CUX1: variants seen among roughly 807,000 people sequenced by gnomAD.
The protein encoded by CUX1 is protein CASP.
CUX1 carries 31 observed loss-of-function variants against 158.8 expected under a neutral mutation model. The observed-to-expected ratio is 0.20, with a 90% CI of 0.15 to 0.26. CUX1 has a LOEUF of 0.26. CUX1 is among the 10% of genes least tolerant of loss of function. The probability of loss-of-function intolerance (pLI) is 1.00; values close to 1 mark genes in which losing one functional copy is unlikely to be tolerated. For synonymous variants in CUX1, 879 were observed against 862.1 expected, an observed-to-expected ratio of 1.02 and a Z score of -0.34; for missense variants, 1,589 against 2,014.6, an observed-to-expected ratio of 0.79 and a Z score of 4.04.
intron 4 of CUX1, among the ~76,000 whole-genome samples, chr7:102,086,858 T>C (rs1435461950): frequency 2.6e-5 from 4 of 152,202 alleles, no homozygotes; most frequent in African/African-American, 9.6e-5. Context: ...ATATCGTCTC[T>C]CAATTGTTTG....
chr7:102,149,113 G>T (rs555127265), intron 8 of CUX1, among the ~76,000 whole-genome samples: 1 of 151,960 alleles, frequency 6.6e-6, no homozygotes, highest in South Asian at 2.1e-4. Flanking sequence ...AGGATGCCTC[G>T]CAACCCCGAG....
In CUX1 at chr7:102,251,512, C is replaced by G; in HGVS notation, c.*2470C>G. ...CAGAAGGCTCTAGGGGGCTGGGAGG[C>G]AGGCTGTTCGTTTGTCTTTTGTTGG... On this transcript the variant is annotated 3_prime_UTR_variant, in exon 24 of 24. Transcript: ENST00000292535. 23 of 985,336 alleles carry G rather than the reference C, an allele frequency of 2.3e-5. No individual in the cohort carries two copies. The highest frequency in any genetic ancestry group is 2.8e-5 in the Non-Finnish European group (23 of 829,878). The allele number at this position is 985,336 out of a possible 1,614,324, so 61.0% of individuals were successfully genotyped here. A position where few individuals can be genotyped will look rare whatever the true frequency, so the allele number is the denominator to read the frequency against.
In CUX1 at chr7:102,083,614, C is replaced by T. The variant is rs149034970; in HGVS notation, c.268+13197C>T. 1.2e-4 allele frequency among the ~76,000 whole-genome samples: 17 copies of T among 147,206 alleles called. No homozygotes were observed. The East Asian group carries it at 2.9e-3, about 25-fold the overall frequency. ...AGCCACCGTGCCTGGCTTCTGTATACGTTTTAGATTCAGCTTGTCAGTTTT... is the reference window on the plus strand; with the variant it reads ...AGCCACCGTGCCTGGCTTCTGTATATGTTTTAGATTCAGCTTGTCAGTTTT... On this transcript the variant is annotated intron_variant, in intron 4 of 23. Transcript: ENST00000292535.
intron 10 of CUX1, among the ~76,000 whole-genome samples, chr7:102,173,645 C>T (rs1049770542): frequency 6.6e-6 from 1 of 152,162 alleles, no homozygotes; most frequent in African/African-American, 2.4e-5. Flanking sequence ...TGTGTCTACA[C>T]GGGGCCCCTG....
chr7:101,855,770 C>T (rs911938154), intron 1 of CUX1, among the ~76,000 whole-genome samples: 3 of 149,672 alleles, frequency 2.0e-5, no homozygotes, highest in African/African-American at 7.4e-5. Flanking sequence ...CCCAGCTACT[C>T]GGGAGGCTGA....
intron 20 of CUX1, among the ~76,000 whole-genome samples, chr7:102,220,710 G>A (rs1554526633): frequency 2.0e-5 from 3 of 152,124 alleles, no homozygotes; most frequent in African/African-American, 4.8e-5. Flanking sequence ...ACCAGTCCCC[G>A]CCACCTCCAG....
At chr7:102,024,769 C>CT (rs1819789001) in intron 2 of CUX1, among the ~76,000 whole-genome samples, 2 of 152,126 alleles carry the variant, frequency 1.3e-5, no homozygotes, top group South Asian at 4.1e-4. Flanking sequence ...GCCTTCCACA[C>CT]TCTTTTCCCT....
intron 23 of CUX1, among the ~76,000 whole-genome samples, chr7:102,245,657 T>C (rs1481045826): frequency 6.6e-6 from 1 of 152,136 alleles, no homozygotes; most frequent in Non-Finnish European, 1.5e-5. Flanking sequence ...TTCTCCACAT[T>C]TTTCAGACAA....
At chr7:102,178,423 C>T (rs782695192) in intron 10 of CUX1, 46 bp from the exon 11 acceptor site, 11 of 1,530,690 alleles carry the variant, frequency 7.2e-6, no homozygotes, top group African/African-American at 5.5e-5. Context: ...CTCGAGCACC[C>T]GCCTCAAGGC....
rs1294743426 is a variant in CUX1, at chr7:102,255,616, G to C, written c.*6574G>C. 3 of 985,198 alleles carry C rather than the reference G, an allele frequency of 3.0e-6. No individual in the cohort carries two copies. The highest frequency in any genetic ancestry group is 3.6e-6 in the Non-Finnish European group (3 of 829,896). 61.0% of individuals were successfully genotyped at this position (985,198 alleles called of 1,614,324 possible). ...TACCACAAAATATGCTATATGCTAT[G>C]TATCAAGCTTTCTGTAATCAGAAAG... On this transcript the variant is annotated 3_prime_UTR_variant, in exon 24 of 24. Transcript: ENST00000292535.
At chr7:102,009,268 A>G (rs1218879804) in intron 2 of CUX1, among the ~76,000 whole-genome samples, 1 of 152,220 alleles carries the variant, frequency 6.6e-6, no homozygotes, top group Non-Finnish European at 1.5e-5. Flanking sequence ...AGAAGCAAGC[A>G]CAGTGGAGTG....
intron 1 of CUX1, among the ~76,000 whole-genome samples, chr7:101,855,679 A>C (rs1300511590): frequency 6.6e-6 from 1 of 150,798 alleles, no homozygotes; most frequent in African/African-American, 2.4e-5. Flanking sequence ...GGAATTCCAG[A>C]CCAGCCTGGC....
In CUX1 at chr7:101,913,466, G is replaced by C. The variant is rs76053086; in HGVS notation, c.31-2649G>C. On this transcript the variant is annotated intron_variant, in intron 1 of 23. Transcript: ENST00000292535. ...GGGTTCACCTTGCACCGGGCCACCTGTTTCAGTTTCCTCCTCCACCAGGCA... is the reference window on the plus strand; with the variant it reads ...GGGTTCACCTTGCACCGGGCCACCTCTTTCAGTTTCCTCCTCCACCAGGCA... 1.8e-5 allele frequency: 21 copies of C among 1,173,382 alleles called. No individual in the cohort carries two copies. In the East Asian group the frequency reaches 1.2e-3, roughly 64 times the overall value. 72.7% of individuals were successfully genotyped at this position (1,173,382 alleles called of 1,614,324 possible).
At chr7:101,897,694 C>A (rs1347284570) in intron 1 of CUX1, among the ~76,000 whole-genome samples, 2 of 152,118 alleles carry the variant, frequency 1.3e-5, no homozygotes, top group African/African-American at 4.8e-5. Context: ...GAACCCCAGA[C>A]TATAGCGTGA....
At chr7:102,280,016 T>C (rs1347274983) in intron 18 of CUX1, 1 of 1,551,666 alleles carries the variant, frequency 6.4e-7, no homozygotes, top group Non-Finnish European at 8.8e-7. Flanking sequence ...ACTGGTTCTC[T>C]TCCCCTCCCT....
At chr7:102,276,400 C>A (rs782740649) in intron 17 of CUX1, among the ~76,000 whole-genome samples, 8 of 152,222 alleles carry the variant, frequency 5.3e-5, no homozygotes, top group Non-Finnish European at 8.8e-5. Flanking sequence ...CTCCTGGGTT[C>A]AAGCGATTCT....
intron 17 of CUX1, chr7:102,277,893 C>G: frequency 9.0e-7 from 1 of 1,111,518 alleles, no homozygotes; most frequent in Non-Finnish European, 1.3e-6. Flanking sequence ...CGGAGCAGCA[C>G]CTGTGCCAGC....
In CUX1 at chr7:102,006,579, T is replaced by C. The variant is rs189481659; in HGVS notation, c.142-21519T>C. Among the ~76,000 whole-genome samples the C allele has an allele frequency of 2.8e-3, 428 of 152,138 alleles. 1 individual carries two copies. Among genetic ancestry groups the C allele is most frequent in the South Asian group, 7.9e-3 (38 of 4,816 alleles). The stretch of plus-strand genomic sequence containing the variant: ...ACCTGGCTAATTTTTGTATTTTTAG[T>C]AGAGATGGAGTTTCACTATGTTGGC... On this transcript the variant is annotated intron_variant, in intron 2 of 23. Coordinates refer to ENST00000292535, the MANE Select transcript of CUX1 (RefSeq NM_181552.4).
At chr7:102,214,352 C>T (rs1796837576) in intron 20 of CUX1, among the ~76,000 whole-genome samples, 1 of 151,802 alleles carries the variant, frequency 6.6e-6, no homozygotes, top group Non-Finnish European at 1.5e-5. Context: ...AGCAAGACCC[C>T]ATCTCTACAG....
Sources: gnomAD v4.1 joint callset for allele counts (sites outside exome capture counted in the v4.1 genomes callset) on GRCh38, gnomAD v4.1.1 for gene constraint, MANE v1.5 for transcripts, NCBI Gene and HGNC (gene_info 2026-07-23, HGNC 2026-07-21) for gene names.